NKAIN3: variants seen among roughly 807,000 people sequenced by gnomAD.
NKAIN3 encodes the protein sodium/potassium-transporting ATPase subunit beta-1-interacting protein 3.
NKAIN3 carries 25 observed loss-of-function variants against 30.2 expected under a neutral mutation model. That is an observed-to-expected ratio of 0.83 (90% CI 0.60 to 1.16). The LOEUF is 1.16. Among genes scored for constraint, NKAIN3 ranks in the 50% most tolerant of loss-of-function variants. NKAIN3 has a pLI of 0.00. For missense variants in NKAIN3, 225 were observed against 254.1 expected (o/e 0.89, Z 0.78); for synonymous variants, 91 against 89.6 (o/e 1.02, Z -0.09).
At chr8:62,871,491 C>T (rs1454302726) in intron 4 of NKAIN3, among the ~76,000 whole-genome samples, 1 of 151,418 alleles carries the variant, frequency 6.6e-6, no homozygotes, top group African/African-American at 2.4e-5. Context: ...GTGATGAGAA[C>T]ACTTAGTATC....
rs151065944 is a variant in NKAIN3, at chr8:62,648,254, A to G, written c.273+58460A>G. ...CTGGAGCTCCAGAGAGGAACCTGGG[A>G]TAGAGATGGAGATCTGAGAGTCATG... is the stretch of plus-strand genomic sequence containing the variant. On this transcript the variant is annotated intron_variant, in intron 3 of 6. Transcript: ENST00000623646. Among the ~76,000 whole-genome samples, 705 of 152,106 alleles carry G rather than the reference A, an allele frequency of 4.6e-3. 4 individuals are homozygous for G. The highest frequency in any genetic ancestry group is 0.016 in the African/African-American group (660 of 41,496).
At chr8:62,373,834 C>T (rs4738964) in intron 1 of NKAIN3, among the ~76,000 whole-genome samples, 21,046 of 152,008 alleles carry the variant, frequency 0.14, 1,741 homozygotes, top group East Asian at 0.4. Flanking sequence ...ACTTCTTGGC[C>T]GGGTGCGGTG....
At position 62,415,172 on chromosome 8, in the gene NKAIN3, ATATAT is replaced by A. The variant is rs1261406870; in HGVS notation, c.55-164359_55-164355del. 4.2e-5 allele frequency among the ~76,000 whole-genome samples: 6 copies of A among 142,034 alleles called. No individual in the cohort carries two copies. The Admixed American group carries it at 4.5e-4, about 11-fold the overall frequency. 93.2% of individuals were successfully genotyped at this position (142,034 alleles called of 152,430 possible). A position where few individuals can be genotyped will look rare whatever the true frequency, so the allele number is the denominator to read the frequency against. ...TATATACTATAGTATATTATATAATATATATTATATTACAATATACTATAGTATAT... is the reference window on the plus strand; with the variant it reads ...TATATACTATAGTATATTATATAATATATATTACAATATACTATAGTATAT... On this transcript the variant is annotated intron_variant, in intron 1 of 6. Coordinates refer to ENST00000623646, the MANE Select transcript of NKAIN3 (RefSeq NM_001304533.3).
At chr8:62,334,904 A>G (rs551882721) in intron 1 of NKAIN3, among the ~76,000 whole-genome samples, 3 of 152,198 alleles carry the variant, frequency 2.0e-5, no homozygotes, top group African/African-American at 4.8e-5. Context: ...GAGTAACTGT[A>G]TATCTTAAAT....
intron 1 of NKAIN3, among the ~76,000 whole-genome samples, chr8:62,527,873 C>CT (rs1267019993): frequency 1.9e-5 from 2 of 103,508 alleles, no homozygotes; most frequent in African/African-American, 6.4e-5. Context: ...GGAATTAGTA[C>CT]TTTTTTTTGG....
intron 1 of NKAIN3, among the ~76,000 whole-genome samples, chr8:62,388,563 A>C (rs1484802869): frequency 1.3e-5 from 2 of 152,244 alleles, no homozygotes; most frequent in African/African-American, 4.8e-5. Context: ...TACTTTTATC[A>C]AACCCTGGCC....
In NKAIN3 at chr8:62,977,617, T is replaced by C. The variant is rs1823974128; in HGVS notation, c.*12210T>C. Among the ~76,000 whole-genome samples the C allele has an allele frequency of 6.6e-6, 1 of 152,130 alleles. No homozygotes were observed. Among genetic ancestry groups the C allele is most frequent in the Non-Finnish European group, 1.5e-5 (1 of 68,030 alleles). Reference sequence around the variant, plus strand: ...TTCTAGTTAGCAATTCCTCTAACCTTTTATCAAGGTTCTTAGCTTCCTCGT... The same window carrying C: ...TTCTAGTTAGCAATTCCTCTAACCTCTTATCAAGGTTCTTAGCTTCCTCGT... On this transcript the variant is annotated 3_prime_UTR_variant, in exon 7 of 7. Coordinates refer to ENST00000623646, the MANE Select transcript of NKAIN3 (RefSeq NM_001304533.3).
At chr8:62,686,634 C>T (rs1366423840) in intron 3 of NKAIN3, among the ~76,000 whole-genome samples, 3 of 152,134 alleles carry the variant, frequency 2.0e-5, no homozygotes, top group African/African-American at 7.2e-5. Flanking sequence ...AAGACAGTCT[C>T]TCAAAATAAG....
At chr8:62,480,081 A>T (rs1160695815) in intron 1 of NKAIN3, among the ~76,000 whole-genome samples, 2 of 152,182 alleles carry the variant, frequency 1.3e-5, no homozygotes, top group Non-Finnish European at 2.9e-5. Flanking sequence ...CATAGCCACT[A>T]TGCTTTACAT....
At chr8:62,452,980 G>A (rs1805697785) in intron 1 of NKAIN3, among the ~76,000 whole-genome samples, 1 of 151,808 alleles carries the variant, frequency 6.6e-6, no homozygotes, top group African/African-American at 2.4e-5. Context: ...ATTAAGTTTG[G>A]GTAAATCAGA....
chr8:62,858,788 G>A (rs1261536012), intron 4 of NKAIN3, among the ~76,000 whole-genome samples: 2 of 152,218 alleles, frequency 1.3e-5, no homozygotes, highest in Non-Finnish European at 2.9e-5. Context: ...TCTCAGGCAG[G>A]CACCCTTTTA....
intron 1 of NKAIN3, among the ~76,000 whole-genome samples, chr8:62,475,109 A>G (rs538809588): frequency 3.3e-5 from 5 of 152,324 alleles, no homozygotes; most frequent in African/African-American, 1.2e-4. Flanking sequence ...GAAAGTAAAA[A>G]CAAAGAAACA....
chr8:62,542,599 C>T (rs1413026364), intron 1 of NKAIN3, among the ~76,000 whole-genome samples: 1 of 151,902 alleles, frequency 6.6e-6, no homozygotes, highest in African/African-American at 2.4e-5. Context: ...TTCCTCTATC[C>T]CAAGTCCAAC....
At position 62,464,072 on chromosome 8, in the gene NKAIN3, C is replaced by A. The variant is rs1371115215; in HGVS notation, c.55-115467C>A. Among the ~76,000 whole-genome samples the A allele has an allele frequency of 3.3e-5, 5 of 152,254 alleles. No homozygotes were observed. The East Asian group carries it at 7.7e-4, about 24-fold the overall frequency. On this transcript the variant is annotated intron_variant, in intron 1 of 6. Transcript: ENST00000623646. ...TCCACATAAGTGATTTAGTGAATCA[C>A]AATGCACCACTGTTGCCTTCTTTAG...
intron 1 of NKAIN3, among the ~76,000 whole-genome samples, chr8:62,268,641 G>C (rs1025977237): frequency 6.6e-5 from 10 of 152,108 alleles, no homozygotes; most frequent in Non-Finnish European, 8.8e-5. Flanking sequence ...TTCATATTTT[G>C]TAAAGCTTCC....
intron 1 of NKAIN3, among the ~76,000 whole-genome samples, chr8:62,291,500 G>C (rs1170810741): frequency 6.6e-6 from 1 of 152,206 alleles, no homozygotes; most frequent in Non-Finnish European, 1.5e-5. Flanking sequence ...TATGCACCCA[G>C]TAGTCATGCA....
chr8:62,694,338 T>G (rs954484910), intron 3 of NKAIN3, among the ~76,000 whole-genome samples: 1 of 152,152 alleles, frequency 6.6e-6, no homozygotes, highest in African/African-American at 2.4e-5. Flanking sequence ...TTTAAAAATA[T>G]GCTATATACA....
intron 4 of NKAIN3, among the ~76,000 whole-genome samples, chr8:62,869,348 C>T (rs1437184085): frequency 6.6e-6 from 1 of 152,148 alleles, no homozygotes; most frequent in African/African-American, 2.4e-5. Flanking sequence ...CTGACATGCG[C>T]AGGTGTGTGA....
intron 5 of NKAIN3, among the ~76,000 whole-genome samples, chr8:62,996,887 C>A (rs945116899): frequency 6.6e-6 from 1 of 152,210 alleles, no homozygotes; most frequent in Admixed American, 6.5e-5. Flanking sequence ...TCCTCTGTAG[C>A]TCTGCAGGGT....
Sources: allele counts gnomAD v4.1 joint callset (sites outside exome capture counted in the v4.1 genomes callset), GRCh38; gene constraint gnomAD v4.1.1; transcripts MANE v1.5; gene names NCBI Gene and HGNC (gene_info 2026-07-23, HGNC 2026-07-21).